The following NXPH1 variants were observed in gnomAD, a reference collection of about 807,000 sequenced individuals.
NXPH1 encodes neurexophilin-1.
A neutral mutation model predicts 23.7 loss-of-function variants in NXPH1; 5 were observed. That is an observed-to-expected ratio of 0.21 (90% confidence interval 0.11 to 0.44). The LOEUF is 0.44. Among genes scored for constraint, NXPH1 ranks in the 20% least tolerant of loss-of-function variants. NXPH1 has a pLI of 0.99. For missense variants in NXPH1, 324 were observed against 321.6 expected, an observed-to-expected ratio of 1.01 and a Z score of -0.06; for synonymous variants, 144 against 122.2, an observed-to-expected ratio of 1.18 and a Z score of -1.18.
At chr7:8,510,718 G>A (rs545451348) in intron 2 of NXPH1, among the ~76,000 whole-genome samples, 50 of 151,992 alleles carry the variant, frequency 3.3e-4, no homozygotes, top group African/African-American at 1.1e-3. Context: ...TACTTTATAT[G>A]CGTATGTTCA....
At chr7:8,582,518 C>G (rs908569508) in intron 2 of NXPH1, among the ~76,000 whole-genome samples, 2 of 152,156 alleles carry the variant, frequency 1.3e-5, no homozygotes, top group African/African-American at 4.8e-5. Context: ...GTCCAGCTCT[C>G]AGCAGAGAGG....
chr7:8,630,767 T>C (rs1583205604), intron 2 of NXPH1, among the ~76,000 whole-genome samples: 2 of 152,184 alleles, frequency 1.3e-5, no homozygotes, highest in Admixed American at 1.3e-4. Context: ...CTGGGTTTTT[T>C]CTCCTTTTTT....
In NXPH1 at chr7:8,442,560, G is replaced by C. The variant is rs1232990097; in HGVS notation, c.54+6793G>C. On this transcript the variant is annotated intron_variant, in intron 2 of 2. Transcript: ENST00000405863. The surrounding 1 kb of genome is among the most constrained non-coding windows in gnomAD (Gnocchi z 4.6). ...CGTCCTCACACATTGACTTTAAAAG[G>C]CCATTTTCCTTCGTCTTCTACAAGA... Among the ~76,000 whole-genome samples, 1 of 152,198 alleles carries C rather than the reference G, an allele frequency of 6.6e-6. No individual in the cohort carries two copies. Among genetic ancestry groups the C allele is most frequent in the Non-Finnish European group, 1.5e-5 (1 of 68,030 alleles).
intron 2 of NXPH1, among the ~76,000 whole-genome samples, chr7:8,479,296 T>G (rs938886636): frequency 7.2e-5 from 11 of 152,156 alleles, no homozygotes; most frequent in African/African-American, 2.7e-4. Flanking sequence ...TAGTATTGTA[T>G]TGTTATTCTT....
chr7:8,573,300 A>G lies in NXPH1; in HGVS notation c.54+137533A>G, dbSNP rs139352139. ...TATGTACTGATAAGGTTTTTAAGCA[A>G]CTGTTTTACATTTAAATAAATTTAT... On this transcript the variant is annotated intron_variant, in intron 2 of 2. Coordinates refer to ENST00000405863, the MANE Select transcript of NXPH1 (RefSeq NM_152745.3). Among the ~76,000 whole-genome samples the G allele has an allele frequency of 4.7e-3, 708 of 152,218 alleles. 6 individuals carry two copies. Among genetic ancestry groups the G allele is most frequent in the African/African-American group, 0.016 (678 of 41,542 alleles).
At chr7:8,682,423 G>A (rs1467304270) in intron 2 of NXPH1, among the ~76,000 whole-genome samples, 1 of 152,054 alleles carries the variant, frequency 6.6e-6, no homozygotes, top group Non-Finnish European at 1.5e-5. Context: ...ATTCTTTACA[G>A]TACTCACACA....
At chr7:8,573,025 G>A (rs1387480407) in intron 2 of NXPH1, among the ~76,000 whole-genome samples, 1 of 151,302 alleles carries the variant, frequency 6.6e-6, no homozygotes, top group Non-Finnish European at 1.5e-5. Flanking sequence ...CAATTACCCT[G>A]AATCTCAAGA....
chr7:8,543,532 C>T (rs1021602134), intron 2 of NXPH1, among the ~76,000 whole-genome samples: 5 of 151,440 alleles, frequency 3.3e-5, no homozygotes, highest in Non-Finnish European at 5.9e-5. Context: ...CTCAAAAATC[C>T]CAGACCACTA....
At chr7:8,548,745 G>A (rs7787851) in intron 2 of NXPH1, among the ~76,000 whole-genome samples, 66,743 of 151,254 alleles carry the variant, frequency 0.44, 16,223 homozygotes, top group African/African-American at 0.65. Context: ...GTCCTATTTC[G>A]CTATCACATA....
intron 2 of NXPH1, among the ~76,000 whole-genome samples, chr7:8,637,204 T>C (rs895145236): frequency 6.6e-6 from 1 of 151,924 alleles, no homozygotes; most frequent in African/African-American, 2.4e-5. Flanking sequence ...TTTCTCATCT[T>C]GCTCACTGCT....
chr7:8,541,278 G>A (rs1818113025), intron 2 of NXPH1, among the ~76,000 whole-genome samples: 1 of 151,584 alleles, frequency 6.6e-6, no homozygotes, highest in Non-Finnish European at 1.5e-5. Context: ...CATAACAATA[G>A]AGATTATCCA....
At chr7:8,482,549 C>G (rs1184316309) in intron 2 of NXPH1, among the ~76,000 whole-genome samples, 4 of 152,162 alleles carry the variant, frequency 2.6e-5, no homozygotes, top group African/African-American at 9.7e-5. Flanking sequence ...AGCATTTCAA[C>G]CTTTTTCTCT....
intron 2 of NXPH1, among the ~76,000 whole-genome samples, chr7:8,517,702 G>A (rs1817708146): frequency 6.6e-6 from 1 of 152,150 alleles, no homozygotes; most frequent in South Asian, 2.1e-4. Flanking sequence ...TACAGAAATG[G>A]TGGAGCGGAG....
At chr7:8,441,013 G>A (rs574632165) in intron 2 of NXPH1, among the ~76,000 whole-genome samples, 2 of 152,350 alleles carry the variant, frequency 1.3e-5, no homozygotes, top group South Asian at 2.1e-4. Flanking sequence ...CAAGTGGGAA[G>A]TTAGGAAGTG....
intron 2 of NXPH1, among the ~76,000 whole-genome samples, chr7:8,490,512 T>C (rs1038769299): frequency 6.6e-6 from 1 of 151,972 alleles, no homozygotes; most frequent in African/African-American, 2.4e-5. Flanking sequence ...TAGTTTTCAT[T>C]CTCATTTAAC....
intron 2 of NXPH1, among the ~76,000 whole-genome samples, chr7:8,514,391 G>C (rs147652867): frequency 2.6e-5 from 4 of 152,256 alleles, no homozygotes; most frequent in African/African-American, 9.6e-5. Flanking sequence ...GATTCAGAGA[G>C]GTTCAGTGAC....
intron 2 of NXPH1, among the ~76,000 whole-genome samples, chr7:8,452,395 C>G (rs1816521801): frequency 6.6e-6 from 1 of 152,086 alleles, no homozygotes; most frequent in Admixed American, 6.6e-5. Context: ...TCCTCCTGTT[C>G]CCATTTTTGA....
intron 2 of NXPH1, among the ~76,000 whole-genome samples, chr7:8,531,721 A>G (rs998298218): frequency 6.6e-6 from 1 of 152,226 alleles, no homozygotes; most frequent in African/African-American, 2.4e-5. Flanking sequence ...TAGTAGGCAC[A>G]TAAGAAAGAT....
intron 2 of NXPH1, among the ~76,000 whole-genome samples, chr7:8,439,722 A>G (rs1816259526): frequency 6.6e-6 from 1 of 152,186 alleles, no homozygotes; most frequent in African/African-American, 2.4e-5. Context: ...TAGAGTTTGG[A>G]GAGTAATTAA....
Sources: gnomAD v4.1 joint callset for allele counts (sites outside exome capture counted in the v4.1 genomes callset) on GRCh38, gnomAD v4.1.1 for gene constraint, Gnocchi (gnomAD v3.1) non-coding constraint, MANE v1.5 for transcripts, NCBI Gene and HGNC (gene_info 2026-07-23, HGNC 2026-07-21) for gene names.